Variants in PARD3B observed in about 807,000 individuals in gnomAD.
PARD3B encodes the protein partitioning defective 3 homolog B.
PARD3B carries 103 observed loss-of-function variants against 130.2 expected under a neutral mutation model. The ratio of observed to expected loss-of-function variants is 0.79; its 90% CI spans 0.67 to 0.93. The LOEUF is 0.93. PARD3B is among the 40% of genes least tolerant of loss of function. The pLI is 0.00. For synonymous variants in PARD3B, 583 were observed against 553.2 expected (o/e 1.05, Z -0.76); for missense variants, 1,609 against 1,499.2 (o/e 1.07, Z -1.21).
intron 2 of PARD3B, among the ~76,000 whole-genome samples, chr2:204,934,737 C>T (rs185487821): frequency 2.9e-3 from 443 of 152,164 alleles, no homozygotes; most frequent in Non-Finnish European, 5.0e-3. Flanking sequence ...TTCCACATCC[C>T]GTTCTTCTGA....
chr2:205,529,000 C>A (rs762251208), intron 21 of PARD3B, among the ~76,000 whole-genome samples: 1 of 152,044 alleles, frequency 6.6e-6, no homozygotes, highest in African/African-American at 2.4e-5. Context: ...ATGGATATGG[C>A]TATGGTGGCA....
At chr2:204,834,078 A>G (rs570439793) in intron 2 of PARD3B, among the ~76,000 whole-genome samples, 65 of 152,074 alleles carry the variant, frequency 4.3e-4, no homozygotes, top group Middle Eastern at 3.4e-3. Context: ...CTCATATGCA[A>G]TATTTTTTTT....
intron 2 of PARD3B, among the ~76,000 whole-genome samples, chr2:204,817,256 ATT>A (rs200887200): frequency 2.1e-5 from 3 of 145,644 alleles, no homozygotes; most frequent in Admixed American, 6.9e-5. Context: ...ACATCTAGGA[ATT>A]TTTTTTTTTT....
At position 205,116,249 on chromosome 2, in the gene PARD3B, A is replaced by G. The variant is rs572160606; in HGVS notation, c.680+2672A>G. 6.6e-6 allele frequency among the ~76,000 whole-genome samples: 1 copy of G among 152,336 alleles called. No individual in the cohort carries two copies. The highest frequency in any genetic ancestry group is 2.4e-5 in the African/African-American group (1 of 41,574). ...AAAAACATGAAATCTAATTCGTTTC[A>G]GTACAGATGCATAATATGCCTCAGT... On this transcript the variant is annotated intron_variant, in intron 6 of 22. Transcript: ENST00000406610. This position sits in a 1 kb window ranked among gnomAD's most constrained non-coding sequence, Gnocchi z 4.5.
At chr2:205,191,394 G>T (rs554306191) in intron 14 of PARD3B, among the ~76,000 whole-genome samples, 1 of 152,164 alleles carries the variant, frequency 6.6e-6, no homozygotes, top group Non-Finnish European at 1.5e-5. Context: ...TCCTACAGGG[G>T]CCACTCTCCT....
chr2:204,962,822 C>T (rs2125849323), intron 2 of PARD3B, among the ~76,000 whole-genome samples: 1 of 152,212 alleles, frequency 6.6e-6, no homozygotes, highest in East Asian at 1.9e-4. Flanking sequence ...CTCTTCTTCC[C>T]AGGAGTACAG....
chr2:204,658,406 A>G (rs996101712), intron 1 of PARD3B, among the ~76,000 whole-genome samples: 5 of 152,150 alleles, frequency 3.3e-5, no homozygotes, highest in African/African-American at 1.2e-4. Context: ...ATTATTAACT[A>G]TTGCCCTTAA....
At chr2:205,358,689 C>A (rs1054164149) in intron 18 of PARD3B, among the ~76,000 whole-genome samples, 3 of 152,172 alleles carry the variant, frequency 2.0e-5, no homozygotes, top group Admixed American at 1.3e-4. Flanking sequence ...TTACCCAGTT[C>A]TCTCTTGCAT....
At chr2:204,594,031 C>G (rs2033184458) in intron 1 of PARD3B, among the ~76,000 whole-genome samples, 1 of 152,180 alleles carries the variant, frequency 6.6e-6, no homozygotes, top group Non-Finnish European at 1.5e-5. Flanking sequence ...ACAGTGGTTC[C>G]ATCAACACTC....
At chr2:204,661,161 A>G (rs1408562749) in intron 1 of PARD3B, among the ~76,000 whole-genome samples, 1 of 152,084 alleles carries the variant, frequency 6.6e-6, no homozygotes. Context: ...TTTCCATTAT[A>G]CTTTTTTGTT....
intron 21 of PARD3B, among the ~76,000 whole-genome samples, chr2:205,508,948 A>G (rs2050482638): frequency 6.6e-6 from 1 of 151,994 alleles, no homozygotes; most frequent in South Asian, 2.1e-4. Context: ...AAAGAAGAGG[A>G]CAAAATAAAC....
In PARD3B at chr2:205,170,017, G is replaced by A. The variant is rs1576048065; in HGVS notation, c.1621-2194G>A. ...GCCATCTTGCCTCACTGCAACCTCCGCCTCCTCGGTTCAAGCGATTCTCCT... is the reference window on the plus strand; with the variant it reads ...GCCATCTTGCCTCACTGCAACCTCCACCTCCTCGGTTCAAGCGATTCTCCT... On this transcript the variant is annotated intron_variant, in intron 11 of 22. Coordinates refer to ENST00000406610, the MANE Select transcript of PARD3B (RefSeq NM_001302769.2). 4.8e-5 allele frequency among the ~76,000 whole-genome samples: 7 copies of A among 145,556 alleles called. No individual in the cohort carries two copies. In the South Asian group the frequency reaches 1.6e-3, roughly 34 times the overall value.
chr2:204,666,803 G>A (rs1431986913), intron 1 of PARD3B, among the ~76,000 whole-genome samples: 2 of 152,124 alleles, frequency 1.3e-5, no homozygotes, highest in African/African-American at 4.8e-5. Context: ...TGTAAGGTTG[G>A]AGCCCTCAGT....
At chr2:205,546,794 A>G (rs1413793624) in intron 21 of PARD3B, among the ~76,000 whole-genome samples, 1 of 152,212 alleles carries the variant, frequency 6.6e-6, no homozygotes, top group African/African-American at 2.4e-5. Context: ...TTAAAAATTG[A>G]TCAAATTATA....
chr2:204,654,226 A>G (rs1311723729), intron 1 of PARD3B, among the ~76,000 whole-genome samples: 1 of 151,266 alleles, frequency 6.6e-6, no homozygotes, highest in Non-Finnish European at 1.5e-5. Context: ...TACCTTTCAT[A>G]TAAGGAAGGC....
intron 2 of PARD3B, among the ~76,000 whole-genome samples, chr2:204,929,180 T>G (rs1687845876): frequency 6.6e-6 from 1 of 152,108 alleles, no homozygotes; most frequent in Non-Finnish European, 1.5e-5. Flanking sequence ...CCCAATATGC[T>G]TCTCAAAAGA....
At chr2:205,211,756 C>T (rs962130491) in intron 15 of PARD3B, among the ~76,000 whole-genome samples, 1 of 152,060 alleles carries the variant, frequency 6.6e-6, no homozygotes, top group African/African-American at 2.4e-5. Context: ...CTAATCAAGA[C>T]TGATGGTTTT....
rs572216663 is a variant in PARD3B, at chr2:204,619,801, AG to A, written c.121-66377del. ...AGTGTAATTGTTTAGAAATAAGAGA[AG>A]GGACGGTATCAGGGTAGTCCAACTT... On this transcript the variant is annotated intron_variant, in intron 1 of 22. Transcript: ENST00000406610. Among the ~76,000 whole-genome samples the A allele has an allele frequency of 1.8e-3, 267 of 152,308 alleles. 1 individual carries two copies. The highest frequency in any genetic ancestry group is 5.9e-3 in the African/African-American group (245 of 41,576).
chr2:204,789,370 A>G (rs2042121850), intron 2 of PARD3B, among the ~76,000 whole-genome samples: 1 of 152,212 alleles, frequency 6.6e-6, no homozygotes, highest in Non-Finnish European at 1.5e-5. Flanking sequence ...TTTTTTGAGT[A>G]GGTGAAATGA....
Sources: gnomAD v4.1 joint callset for allele counts (sites outside exome capture counted in the v4.1 genomes callset) on GRCh38, gnomAD v4.1.1 for gene constraint, Gnocchi (gnomAD v3.1) non-coding constraint, MANE v1.5 for transcripts, NCBI Gene and HGNC (gene_info 2026-07-23, HGNC 2026-07-21) for gene names.